The following CDYL2 variants were observed in gnomAD, a reference collection of about 807,000 sequenced individuals.
CDYL2 encodes chromodomain Y like 2, also known as chromodomain Y-like protein 2.
A neutral mutation model predicts 49.4 loss-of-function variants in CDYL2; 23 were observed. The ratio of observed to expected loss-of-function variants is 0.47; its 90% CI spans 0.34 to 0.66. CDYL2 has a LOEUF of 0.66. Among genes scored for constraint, CDYL2 ranks in the 30% least tolerant of loss-of-function variants. The pLI, the probability that CDYL2 is intolerant of heterozygous loss-of-function variation, is 0.01. For missense variants in CDYL2, 678 were observed against 656.4 expected (o/e 1.03, Z -0.36); for synonymous variants, 360 against 268.8 (o/e 1.34, Z -3.32).
chr16:80,757,761 C>G (rs1906364147), intron 1 of CDYL2, among the ~76,000 whole-genome samples: 1 of 151,560 alleles, frequency 6.6e-6, no homozygotes, highest in Non-Finnish European at 1.5e-5. Flanking sequence ...TATGTAAAAT[C>G]CACACAAATC....
intron 2 of CDYL2, among the ~76,000 whole-genome samples, chr16:80,680,926 G>A (rs35732345): frequency 6.6e-6 from 1 of 151,800 alleles, no homozygotes; most frequent in Non-Finnish European, 1.5e-5. Flanking sequence ...TGAGGCAGAT[G>A]GGCCCCGGAC....
At chr16:80,780,431 G>A (rs536623598) in intron 1 of CDYL2, among the ~76,000 whole-genome samples, 18 of 125,010 alleles carry the variant, frequency 1.4e-4, no homozygotes, top group South Asian at 7.8e-4. Context: ...TGCAGACAGA[G>A]TCTTGCTCTG....
chr16:80,699,662 G>C (rs542114814), intron 1 of CDYL2, among the ~76,000 whole-genome samples: 1 of 152,110 alleles, frequency 6.6e-6, no homozygotes, highest in South Asian at 2.1e-4. Context: ...CTAGAAAAGA[G>C]GATTTTTACT....
intron 3 of CDYL2, among the ~76,000 whole-genome samples, chr16:80,622,772 C>T (rs557919240): frequency 1.3e-5 from 2 of 152,242 alleles, no homozygotes; most frequent in Non-Finnish European, 2.9e-5. Flanking sequence ...AAAGAGTTTG[C>T]CACCAAAAAG....
intron 1 of CDYL2, among the ~76,000 whole-genome samples, chr16:80,746,729 C>T (rs1905944811): frequency 6.6e-6 from 1 of 152,076 alleles, no homozygotes; most frequent in Non-Finnish European, 1.5e-5. Context: ...GGGAGGGACA[C>T]CAGTGAGGCT....
intron 2 of CDYL2, among the ~76,000 whole-genome samples, chr16:80,659,371 T>C (rs1478569776): frequency 6.6e-6 from 1 of 152,068 alleles, no homozygotes; most frequent in Non-Finnish European, 1.5e-5. Flanking sequence ...GAAATAAATA[T>C]CTAAAAGACA....
At chr16:80,795,646 C>A (rs1314199072) in intron 1 of CDYL2, among the ~76,000 whole-genome samples, 2 of 152,176 alleles carry the variant, frequency 1.3e-5, no homozygotes, top group African/African-American at 4.8e-5. Flanking sequence ...GAGCCAGGGG[C>A]TGACTCCAGA....
At chr16:80,658,744 T>C (rs1304619020) in intron 2 of CDYL2, among the ~76,000 whole-genome samples, 7 of 152,214 alleles carry the variant, frequency 4.6e-5, no homozygotes, top group Non-Finnish European at 7.3e-5. Context: ...CAATGAGCTA[T>C]GTAGATCCCA....
intron 1 of CDYL2, among the ~76,000 whole-genome samples, chr16:80,787,165 G>A (rs1907464150): frequency 6.6e-6 from 1 of 152,086 alleles, no homozygotes; most frequent in Non-Finnish European, 1.5e-5. Flanking sequence ...TGACAAAGAG[G>A]ATATGCCGGG....
At chr16:80,613,526 G>C (rs990997615) in intron 4 of CDYL2, among the ~76,000 whole-genome samples, 3 of 152,116 alleles carry the variant, frequency 2.0e-5, no homozygotes, top group Non-Finnish European at 2.9e-5. Flanking sequence ...GAATATGTTA[G>C]GATGGCTCTG....
chr16:80,748,224 C>T (rs531845347), intron 1 of CDYL2, among the ~76,000 whole-genome samples: 1 of 148,444 alleles, frequency 6.7e-6, no homozygotes, highest in South Asian at 2.1e-4. Context: ...CCTGGCTCTG[C>T]CTTTAAAACT....
At chr16:80,731,344 T>C (rs1244687641) in intron 1 of CDYL2, among the ~76,000 whole-genome samples, 1 of 151,584 alleles carries the variant, frequency 6.6e-6, no homozygotes, top group East Asian at 1.9e-4. Flanking sequence ...GGAGAGGAAA[T>C]GCAAGAAATT....
chr16:80,647,816 T>C (rs920938519), intron 2 of CDYL2, among the ~76,000 whole-genome samples: 1 of 152,132 alleles, frequency 6.6e-6, no homozygotes, highest in Non-Finnish European at 1.5e-5. Context: ...TAAATGGAAA[T>C]ATCAAGCATC....
chr16:80,660,115 T>A (rs1193930973), intron 2 of CDYL2, among the ~76,000 whole-genome samples: 2 of 152,048 alleles, frequency 1.3e-5, no homozygotes, highest in East Asian at 1.9e-4. Context: ...AAGGACCACA[T>A]AAATGGACAT....
In CDYL2 at chr16:80,599,680, AC is replaced by A. The variant is rs1315262682; in HGVS notation, c.*4707del. Reference sequence around the variant, plus strand: ...ACATCTCTCAGGGAGTGCTGACCTTACCCAGAATGGACGTTTCCAAGTCATC... The same window carrying A: ...ACATCTCTCAGGGAGTGCTGACCTTACCAGAATGGACGTTTCCAAGTCATC... On this transcript the variant is annotated 3_prime_UTR_variant, in exon 7 of 7. Coordinates refer to ENST00000570137, the MANE Select transcript of CDYL2 (RefSeq NM_152342.4). The A allele has an allele frequency of 6.6e-6, 1 of 152,172 alleles. No individual in the cohort carries two copies. The highest frequency in any genetic ancestry group is 1.5e-5 in the Non-Finnish European group (1 of 68,046). The allele number at this position is 152,172 out of a possible 1,614,324, so 9.4% of individuals were successfully genotyped here.
chr16:80,666,345 C>T (rs1909261564), intron 2 of CDYL2, among the ~76,000 whole-genome samples: 1 of 152,178 alleles, frequency 6.6e-6, no homozygotes, highest in South Asian at 2.1e-4. Flanking sequence ...AATTTCATGT[C>T]CTATGTTACC....
intron 1 of CDYL2, among the ~76,000 whole-genome samples, chr16:80,769,867 A>G (rs1219131226): frequency 6.6e-6 from 1 of 152,244 alleles, no homozygotes; most frequent in Non-Finnish European, 1.5e-5. Flanking sequence ...AAACTACACA[A>G]CACGTATTCT....
intron 1 of CDYL2, among the ~76,000 whole-genome samples, chr16:80,756,360 T>C (rs1344886220): frequency 6.6e-6 from 1 of 151,610 alleles, no homozygotes; most frequent in East Asian, 1.9e-4. Context: ...ACACACACAA[T>C]GAGGAATATT....
intron 6 of CDYL2, among the ~76,000 whole-genome samples, chr16:80,607,154 G>C (rs1906375020): frequency 6.6e-6 from 1 of 152,068 alleles, no homozygotes; most frequent in African/African-American, 2.4e-5. Context: ...CGTGAGTGTT[G>C]ACTAACAACC....
Sources: allele counts gnomAD v4.1 joint callset (sites outside exome capture counted in the v4.1 genomes callset), GRCh38; gene constraint gnomAD v4.1.1; transcripts MANE v1.5; gene names NCBI Gene and HGNC (gene_info 2026-07-23, HGNC 2026-07-21).